Variants in CEACAM19 observed in about 807,000 individuals in gnomAD.
The protein encoded by CEACAM19 is CEA cell adhesion molecule 19, also known as cell adhesion molecule CEACAM19.
In CEACAM19, 37 loss-of-function variants were observed where a neutral mutation model predicts 37.6. That is an observed-to-expected ratio of 0.98 (90% CI 0.76 to 1.29). CEACAM19 has a LOEUF of 1.29. Ranked by LOEUF, CEACAM19 falls within the 50% of genes most tolerant of loss-of-function variation. The pLI, the probability that CEACAM19 is intolerant of heterozygous loss-of-function variation, is 0.00. For missense variants in CEACAM19, 340 were observed against 375.6 expected (o/e 0.91, Z 0.78); for synonymous variants, 140 against 149.8 (o/e 0.93, Z 0.48).
upstream of CEACAM19, among the ~76,000 whole-genome samples, chr19:44,668,610 G>GTA (rs1973798965): frequency 1.6e-5 from 1 of 62,166 alleles, no homozygotes; most frequent in African/African-American, 7.2e-5. Flanking sequence ...TATTATATAT[G>GTA]TATATAATTA....
In CEACAM19 at chr19:44,672,361, A is replaced by G. The variant is rs1973869825; in HGVS notation, c.56-235A>G. 5 of 468,734 alleles carry G rather than the reference A, an allele frequency of 1.1e-5. No individual in the cohort carries two copies. In the East Asian group the frequency reaches 1.7e-4, roughly 16 times the overall value. 29.0% of individuals were successfully genotyped at this position (468,734 alleles called of 1,614,324 possible). ...GTCCATGTGTTTAGAAGCAGGCCAC[A>G]CAGCATCTCAAGGTAGAAAAACCTC... On this transcript the variant is annotated intron_variant, in intron 1 of 7. Coordinates refer to ENST00000358777, the MANE Select transcript of CEACAM19 (RefSeq NM_001127893.3).
At chr19:44,682,746 A>G in intron 7 of CEACAM19, 126 bp downstream of exon 7, 1 of 863,824 alleles carries the variant, frequency 1.2e-6, no homozygotes, top group Non-Finnish European at 1.7e-6. Flanking sequence ...CCCAAGCCTC[A>G]CGGTCTCTGC....
At chr19:44,668,407 ATATATT>A, upstream of CEACAM19, among the ~76,000 whole-genome samples, 3 of 16,644 alleles carry the variant, frequency 1.8e-4, no homozygotes, top group African/African-American at 5.3e-4. Flanking sequence ...TAATATGTTT[ATATATT>A]ATATATATAA....
intron 1 of CEACAM19, among the ~76,000 whole-genome samples, chr19:44,672,301 G>A (rs1028903293): frequency 2.0e-5 from 3 of 152,084 alleles, no homozygotes; most frequent in Admixed American, 6.6e-5. Context: ...TATAAGTATT[G>A]GTTGAATAAA....
chr19:44,680,000 T>C (rs1252434985), intron 4 of CEACAM19, among the ~76,000 whole-genome samples: 2 of 152,040 alleles, frequency 1.3e-5, no homozygotes, highest in Admixed American at 6.6e-5. Context: ...ATTAAGGAAA[T>C]CATAAGACAG....
upstream of CEACAM19, among the ~76,000 whole-genome samples, chr19:44,669,839 C>T (rs1973826391): frequency 6.6e-6 from 1 of 152,130 alleles, no homozygotes; most frequent in African/African-American, 2.4e-5. Context: ...TCCATCCCAG[C>T]CCTGATCACT....
intron 2 of CEACAM19, 130 bp downstream of exon 2, chr19:44,673,094 T>A (rs779114560): frequency 1.5e-6 from 1 of 673,652 alleles, no homozygotes; most frequent in Non-Finnish European, 2.2e-6. Flanking sequence ...ATTGAGCATC[T>A]ACTGTGTACC....
At chr19:44,671,152 C>T (rs1048976450), upstream of CEACAM19, among the ~76,000 whole-genome samples, 1 of 150,968 alleles carries the variant, frequency 6.6e-6, no homozygotes, top group Non-Finnish European at 1.5e-5. Flanking sequence ...GACGAAGTCT[C>T]GCTCTGTCAC....
Position 44,672,948 on chromosome 19 carries a change from T to G in CEACAM19, c.408T>G (p.Thr136=). Residue 136 remains threonine (T), a synonymous_variant, in exon 2 of 8, where the codon ACT becomes ACG. Transcript: ENST00000358777. The part of the protein sequence containing the change: ...INSEWTMKAK[T]EVQVAEKNKE... ...CTGAATGGACTATGAAGGCCAAGAC[T>G]GAGGTCCAGGTAGCTGGTAAGTGTT... The G allele has an allele frequency of 6.7e-7, 1 of 1,492,180 alleles. No individual in the cohort carries two copies. The highest frequency in any genetic ancestry group is 9.0e-7 in the Non-Finnish European group (1 of 1,115,838). The allele number at this position is 1,492,180 out of a possible 1,614,324, so 92.4% of individuals were successfully genotyped here.
intron 2 of CEACAM19, among the ~76,000 whole-genome samples, chr19:44,675,894 A>G (rs367548582): frequency 2.6e-5 from 4 of 152,082 alleles, no homozygotes; most frequent in African/African-American, 9.7e-5. Context: ...AAGCAGCAAC[A>G]TCGAGATATA....
At chr19:44,668,447 A>T (rs1219866031), upstream of CEACAM19, among the ~76,000 whole-genome samples, 9 of 66,084 alleles carry the variant, frequency 1.4e-4, no homozygotes, top group African/African-American at 4.9e-4. Flanking sequence ...TATTATATAT[A>T]TTTTATAATA....
Position 44,684,336 on chromosome 19 carries a change from GAAATA to G in CEACAM19, c.*854_*858del, listed in dbSNP as rs1332493185. On this transcript the variant is annotated 3_prime_UTR_variant, in exon 8 of 8. Transcript: ENST00000358777. The stretch of plus-strand genomic sequence containing the variant: ...GTCACTTGGCAGGGGAAAGAATCAG[GAAATA>G]AAATAAATAATGAACATGCGTTGTC... 1 of 152,098 alleles carries G rather than the reference GAAATA, an allele frequency of 6.6e-6. No individual in the cohort carries two copies. The highest frequency in any genetic ancestry group is 1.9e-4 in the East Asian group (1 of 5,202). The allele number at this position is 152,098 out of a possible 1,614,324, so 9.4% of individuals were successfully genotyped here.
rs1176836817 is a variant in CEACAM19 at position 44,671,612 on chromosome 19, A to G, written c.-320A>G. 4 of 431,764 alleles carry G rather than the reference A, an allele frequency of 9.3e-6. No homozygotes were observed. The highest frequency in any genetic ancestry group is 4.0e-5 in the African/African-American group (2 of 50,400). The allele number at this position is 431,764 out of a possible 1,614,324, so 26.7% of individuals were successfully genotyped here. A position where few individuals can be genotyped will look rare whatever the true frequency, so the allele number is the denominator to read the frequency against. On this transcript the variant is annotated 5_prime_UTR_variant, in exon 1 of 8. Coordinates refer to ENST00000358777, the MANE Select transcript of CEACAM19 (RefSeq NM_001127893.3). ...TGTTCAAACAGAGGCTGTTATGACT[A>G]TTGCTACAGTGACTGCTGTTGTAGT... is the stretch of plus-strand genomic sequence containing the variant.
At position 44,676,359 on chromosome 19, in the gene CEACAM19, C is replaced by T. The variant is rs76075198; in HGVS notation, c.513C>T (p.Ala171=). ...TCATTGGATCTCTTGCTGCCGGGGC[C>T]CTTCTCATCAGCTGCATTGCCTATC... ...ATIIGSLAAG[A]LLISCIAYLL... Residue 171 remains alanine, a synonymous_variant, in exon 3 of 8, where the codon GCC becomes GCT. Transcript: ENST00000358777. The T allele has an allele frequency of 0.019, 30,653 of 1,614,018 alleles. 373 individuals are homozygous for T. The highest frequency in any genetic ancestry group is 0.023 in the Non-Finnish European group (27,040 of 1,179,948).
At chr19:44,680,469 C>A in intron 5 of CEACAM19, 135 bp downstream of exon 5, 1 of 736,266 alleles carries the variant, frequency 1.4e-6, no homozygotes, top group Non-Finnish European at 2.3e-6. Flanking sequence ...TCTCTGGGGC[C>A]CCCTGAACTC....
At position 44,671,948 on chromosome 19, in the gene CEACAM19, G is replaced by A. The variant is rs1480283033; in HGVS notation, c.17G>A (p.Gly6Glu). The change falls in exon 1 of 8, where the codon GGG becomes GAG. Residue 6 changes from glycine to glutamate, a missense_variant. Coordinates refer to ENST00000358777, the MANE Select transcript of CEACAM19 (RefSeq NM_001127893.3). MEIPM[G>E]TQGCFSKSLL... ...GACGCCAAGATGGAGATTCCCATGGGGACCCAGGGCTGCTTCTCAAAGAGC... is the reference window on the plus strand; with the variant it reads ...GACGCCAAGATGGAGATTCCCATGGAGACCCAGGGCTGCTTCTCAAAGAGC... The A allele has an allele frequency of 1.2e-6, 2 of 1,606,576 alleles. No individual in the cohort carries two copies. Among genetic ancestry groups the A allele is most frequent in the Non-Finnish European group, 1.7e-6 (2 of 1,176,844 alleles).
chr19:44,676,140 C>T (rs377156502), intron 2 of CEACAM19, 131 bp from the exon 3 acceptor site: 6 of 921,042 alleles, frequency 6.5e-6, no homozygotes, highest in Admixed American at 4.6e-5. Context: ...CAGGAGAAAG[C>T]TCTGGGCTGG....
chr19:44,681,459 G>A, intron 6 of CEACAM19, 147 bp downstream of exon 6: 1 of 576,918 alleles, frequency 1.7e-6, no homozygotes, highest in South Asian at 2.3e-5. Flanking sequence ...AAAATCCTAA[G>A]GAAAAGAGAC....
At chr19:44,666,154 A>G (rs910332318) in intron 1 of CEACAM19, 2 of 152,204 alleles carry the variant, frequency 1.3e-5, no homozygotes, top group African/African-American at 2.4e-5. Flanking sequence ...TTCTTTTAAT[A>G]ATGCAAAAGG....
Sources: allele counts gnomAD v4.1 joint callset (sites outside exome capture counted in the v4.1 genomes callset), GRCh38; gene constraint gnomAD v4.1.1; transcripts MANE v1.5; gene names NCBI Gene and HGNC (gene_info 2026-07-23, HGNC 2026-07-21).